C19orf47: variants seen among roughly 807,000 people sequenced by gnomAD.
The protein encoded by C19orf47 is uncharacterized protein C19orf47.
In C19orf47, 18 loss-of-function variants were observed where a neutral mutation model predicts 32.3. The ratio of observed to expected loss-of-function variants is 0.56; its 90% CI spans 0.39 to 0.83. The LOEUF (loss-of-function observed/expected upper bound fraction) is 0.83. Among genes scored for constraint, C19orf47 ranks in the 40% least tolerant of loss-of-function variants. The probability of loss-of-function intolerance (pLI) is 0.00; values close to 1 mark genes in which losing one functional copy is unlikely to be tolerated. For synonymous variants in C19orf47, 202 were observed against 211.1 expected (o/e 0.96, Z 0.37); for missense variants, 484 against 531.6 (o/e 0.91, Z 0.88).
chr19:40,298,030 ACT>A, the C19orf47 span, among the ~76,000 whole-genome samples: 4 of 150,214 alleles, frequency 2.7e-5, no homozygotes, highest in Non-Finnish European at 5.9e-5. Context: ...ACAGAGTGAC[ACT>A]CTGTCTCAAA....
the C19orf47 span, among the ~76,000 whole-genome samples, chr19:40,312,696 G>A: frequency 6.6e-6 from 1 of 152,180 alleles, no homozygotes; most frequent in Non-Finnish European, 1.5e-5. Context: ...CCCCAGATAA[G>A]TGCCAGTACT....
the C19orf47 span, among the ~76,000 whole-genome samples, chr19:40,303,806 A>G: frequency 5.1e-5 from 7 of 136,054 alleles, no homozygotes; most frequent in Non-Finnish European, 9.7e-5. Flanking sequence ...TTTGTCTGAA[A>G]AAAAAAAAAA....
At chr19:40,300,633 C>G in the C19orf47 span, among the ~76,000 whole-genome samples, 1 of 152,096 alleles carries the variant, frequency 6.6e-6, no homozygotes. Flanking sequence ...ATAATGAACT[C>G]TCATCAGATT....
At chr19:40,323,502 G>A (rs929579920) in intron 8 of C19orf47, among the ~76,000 whole-genome samples, 1 of 152,238 alleles carries the variant, frequency 6.6e-6, no homozygotes, top group African/African-American at 2.4e-5. Context: ...ACAGTGAAGA[G>A]CCTCTGCAGG....
At chr19:40,318,358 C>T (rs2077677273), downstream of C19orf47, among the ~76,000 whole-genome samples, 1 of 152,214 alleles carries the variant, frequency 6.6e-6, no homozygotes, top group African/African-American at 2.4e-5. Context: ...GCAGTTAACT[C>T]CCCTCTCTGT....
At chr19:40,330,217 C>T (rs1218364226) in intron 5 of C19orf47, among the ~76,000 whole-genome samples, 1 of 151,674 alleles carries the variant, frequency 6.6e-6, no homozygotes, top group African/African-American at 2.4e-5. Flanking sequence ...TTTTCATTTA[C>T]TTTCCCTTTC....
chr19:40,320,134 C>T lies in C19orf47; in HGVS notation c.*1748G>A, dbSNP rs778548512. 1 of 154,876 alleles carries T rather than the reference C, an allele frequency of 6.5e-6. No homozygotes were observed. Among genetic ancestry groups the T allele is most frequent in the Non-Finnish European group, 1.5e-5 (1 of 68,744 alleles). 9.6% of individuals were successfully genotyped at this position (154,876 alleles called of 1,614,324 possible). On this transcript the variant is annotated 3_prime_UTR_variant, in exon 9 of 9. Transcript: ENST00000683109. ...CAAAGCACACCCTAAGCAGCCCAAG[C>T]GGCCCTCTTCCCTGCTCCCCACTGC...
intron 4 of C19orf47, 102 bp from the exon 5 acceptor site, chr19:40,334,031 G>T: frequency 1.2e-6 from 1 of 809,318 alleles, no homozygotes; most frequent in Non-Finnish European, 1.9e-6. Flanking sequence ...TGCTAGAGAA[G>T]ATTCTAACAC....
At chr19:40,313,941 A>AG in the C19orf47 span, among the ~76,000 whole-genome samples, 1 of 151,850 alleles carries the variant, frequency 6.6e-6, no homozygotes, top group East Asian at 1.9e-4. Flanking sequence ...AAAAAAAAAA[A>AG]AGGTATAGAA....
At chr19:40,335,898 C>T (rs911876828) in intron 4 of C19orf47, among the ~76,000 whole-genome samples, 8 of 152,338 alleles carry the variant, frequency 5.3e-5, no homozygotes, top group East Asian at 1.9e-4. Flanking sequence ...CGTGAGCCAC[C>T]GCACCCGGCC....
chr19:40,308,850 G>A, the C19orf47 span, among the ~76,000 whole-genome samples: 2 of 152,168 alleles, frequency 1.3e-5, no homozygotes, highest in South Asian at 2.1e-4. Flanking sequence ...CAGGCAGATC[G>A]CTTGGGCCCA....
rs539898169 is a variant in C19orf47 at position 40,348,222 on chromosome 19, T to G, written c.-34+102A>C. 5.2e-5 allele frequency: 39 copies of G among 752,074 alleles called. 1 individual carries two copies. The South Asian group carries it at 1.1e-3, about 21-fold the overall frequency. 46.6% of individuals were successfully genotyped at this position (752,074 alleles called of 1,614,324 possible). On this transcript the variant is annotated intron_variant, in intron 1 of 8. Transcript: ENST00000683109. ...GAGGCTCAAAGAAACAAATCGTAAG[T>G]CCGAAGCCGTACAACGGAGCCCGAA...
At chr19:40,341,965 G>A in intron 1 of C19orf47, 75 bp from the exon 2 acceptor site, 2 of 1,534,544 alleles carry the variant, frequency 1.3e-6, no homozygotes, top group Non-Finnish European at 1.7e-6. Context: ...GTGCCTGTCT[G>A]TCTGCATGCC....
the C19orf47 span, among the ~76,000 whole-genome samples, chr19:40,296,552 G>A: frequency 6.6e-6 from 1 of 152,030 alleles, no homozygotes; most frequent in Non-Finnish European, 1.5e-5. Flanking sequence ...AAAATGCTAG[G>A]ATCACAGGCA....
At chr19:40,340,172 A>G (rs1320420019) in intron 2 of C19orf47, among the ~76,000 whole-genome samples, 2 of 151,912 alleles carry the variant, frequency 1.3e-5, no homozygotes, top group African/African-American at 4.8e-5. Flanking sequence ...TTATGGAACT[A>G]TAATGTACAT....
chr19:40,310,136 A>G, the C19orf47 span, among the ~76,000 whole-genome samples: 2 of 152,238 alleles, frequency 1.3e-5, no homozygotes, highest in African/African-American at 2.4e-5. Context: ...ATCAACTCAT[A>G]GATAAACAAA....
chr19:40,348,128 T>G (rs1344189830), intron 1 of C19orf47, among the ~76,000 whole-genome samples, 196 bp downstream of exon 1: 5 of 152,318 alleles, frequency 3.3e-5, no homozygotes, highest in African/African-American at 7.2e-5. Context: ...ACGACCTGAC[T>G]TCTCACTCCC....
At chr19:40,324,713 AG>A (rs1455417785) in intron 7 of C19orf47, 3 of 152,412 alleles carry the variant, frequency 2.0e-5, no homozygotes, top group Non-Finnish European at 4.4e-5. Flanking sequence ...TGAACAAAAA[AG>A]TTATAGAACA....
intron 5 of C19orf47, chr19:40,332,646 C>G (rs79325052): frequency 7.8e-6 from 1 of 127,558 alleles, no homozygotes; most frequent in Admixed American, 8.1e-5. Context: ...GACTCCATCT[C>G]AAAAAAAAAA....
Sources: allele counts gnomAD v4.1 joint callset (sites outside exome capture counted in the v4.1 genomes callset), GRCh38; gene constraint gnomAD v4.1.1; transcripts MANE v1.5; gene names NCBI Gene and HGNC (gene_info 2026-07-23, HGNC 2026-07-21).